Variants in FAT3 observed in about 807,000 individuals in gnomAD.
The protein encoded by FAT3 is protocadherin Fat 3.
FAT3 carries 95 observed loss-of-function variants against 310.2 expected under a neutral mutation model. The ratio of observed to expected loss-of-function variants is 0.31; its 90% CI spans 0.26 to 0.36. The LOEUF (loss-of-function observed/expected upper bound fraction) is 0.36, where lower values mean the gene tolerates loss of function less well. FAT3 is among the 10% of genes least tolerant of loss of function. FAT3 has a pLI of 1.00. For synonymous variants in FAT3, 2,314 were observed against 2,192.9 expected (o/e 1.06, Z -1.54); for missense variants, 5,408 against 5,715.6 (o/e 0.95, Z 1.74).
chr11:92,460,635 A>T (rs1052306314), intron 2 of FAT3, among the ~76,000 whole-genome samples: 1 of 152,222 alleles, frequency 6.6e-6, no homozygotes, highest in Non-Finnish European at 1.5e-5. Flanking sequence ...AGAGCTTGCT[A>T]CCAGCACAAA....
chr11:92,482,765 C>G (rs1019141272), intron 2 of FAT3, among the ~76,000 whole-genome samples: 4 of 152,128 alleles, frequency 2.6e-5, no homozygotes, highest in African/African-American at 9.7e-5. Context: ...GTGCCGACAC[C>G]CTTCCTCAAC....
At chr11:92,865,333 C>T (rs563022778) in intron 21 of FAT3, among the ~76,000 whole-genome samples, 1 of 152,348 alleles carries the variant, frequency 6.6e-6, no homozygotes, top group African/African-American at 2.4e-5. Context: ...AAACACGTTT[C>T]ACAAGGACTG....
chr11:92,415,705 G>T (rs952332499), intron 2 of FAT3, among the ~76,000 whole-genome samples: 5 of 152,088 alleles, frequency 3.3e-5, no homozygotes, highest in Non-Finnish European at 7.4e-5. Context: ...GACTAATTTT[G>T]CAGGGTTTCC....
intron 13 of FAT3, among the ~76,000 whole-genome samples, chr11:92,823,862 A>G (rs1219625197): frequency 6.6e-6 from 1 of 152,218 alleles, no homozygotes; most frequent in Non-Finnish European, 1.5e-5. Flanking sequence ...TTGCCAACTG[A>G]AAAAGTAATT....
chr11:92,447,408 C>T (rs529541706), intron 2 of FAT3, among the ~76,000 whole-genome samples: 6 of 151,866 alleles, frequency 4.0e-5, no homozygotes, highest in Non-Finnish European at 8.8e-5. Context: ...GTAATGCCTA[C>T]TTGGAGGTGG....
intron 2 of FAT3, among the ~76,000 whole-genome samples, chr11:92,451,989 T>C (rs375471168): frequency 1.7e-4 from 26 of 152,328 alleles, no homozygotes; most frequent in African/African-American, 5.3e-4. Flanking sequence ...TCTGATCCTT[T>C]ATGGCACTAT....
At chr11:92,873,322 A>G (rs1312781866) in intron 22 of FAT3, among the ~76,000 whole-genome samples, 1 of 152,154 alleles carries the variant, frequency 6.6e-6, no homozygotes, top group Non-Finnish European at 1.5e-5. Context: ...GAGCCATGTA[A>G]GTTCTTGGAG....
At chr11:92,436,364 GCTCTTGGA>G (rs1401822230) in intron 2 of FAT3, among the ~76,000 whole-genome samples, 4 of 151,964 alleles carry the variant, frequency 2.6e-5, no homozygotes, top group Non-Finnish European at 5.9e-5. Context: ...CTGGTCTCCA[GCTCTTGGA>G]CTCAAGCGAT....
Position 92,857,316 on chromosome 11 carries a change from A to G in FAT3, c.11468A>G (p.Gln3823Arg). Reference protein sequence around the residue: ...YEASRRPFLCQCPPGKLGECS... With the variant: ...YEASRRPFLCRCPPGKLGECS... ...GCCAGCAGGAGACCGTTCCTCTGCCAGTGTCCACCAGGGAAGCTCGGAGAG... is the reference window on the plus strand; with the variant it reads ...GCCAGCAGGAGACCGTTCCTCTGCCGGTGTCCACCAGGGAAGCTCGGAGAG... Residue 3823 changes from glutamine to arginine, a missense_variant, in exon 20 of 28, where the codon CAG (glutamine) becomes CGG (arginine). This residue lies in a region of FAT3 where 4,588 missense variants were observed against 4,809.8 expected (regional missense o/e 0.95). Transcript: ENST00000525166. The G allele has an allele frequency of 6.2e-7, 1 of 1,614,018 alleles. No homozygotes were observed. Among genetic ancestry groups the G allele is most frequent in the South Asian group, 1.1e-5 (1 of 91,086 alleles).
At chr11:92,666,223 G>C (rs1942944315) in intron 3 of FAT3, among the ~76,000 whole-genome samples, 1 of 152,172 alleles carries the variant, frequency 6.6e-6, no homozygotes, top group African/African-American at 2.4e-5. Context: ...AGCTTGAGAG[G>C]AGTCAAGATA....
intron 3 of FAT3, among the ~76,000 whole-genome samples, chr11:92,674,089 G>A (rs2135834383): frequency 6.6e-6 from 1 of 151,870 alleles, no homozygotes; most frequent in South Asian, 2.1e-4. Flanking sequence ...GCTGAGGCAG[G>A]AGAATTGCTT....
chr11:92,790,132 T>C lies in FAT3; in HGVS notation c.4525T>C (p.Phe1509Leu). 1 of 1,613,714 alleles carries C rather than the reference T, an allele frequency of 6.2e-7. No homozygotes were observed. Among genetic ancestry groups the C allele is most frequent in the Non-Finnish European group, 8.5e-7 (1 of 1,179,710 alleles). Residue 1509 changes from phenylalanine (F) to leucine (L), a missense_variant, in exon 8 of 28, where the codon TTC (phenylalanine) becomes CTC (leucine). Phe to Leu is a conservative substitution (Grantham distance 22). Transcript: ENST00000525166. ...SSIDSISMRKFRIDPSTGVLY... is the reference protein window; with the variant it reads ...SSIDSISMRKLRIDPSTGVLY... The stretch of plus-strand genomic sequence containing the variant: ...CATCGACTCCATCAGCATGAGAAAA[T>C]TCCGGATTGACCCTAGCACTGGCGT...
intron 2 of FAT3, among the ~76,000 whole-genome samples, chr11:92,508,504 C>G (rs1953188350): frequency 6.6e-6 from 1 of 152,082 alleles, no homozygotes. Flanking sequence ...AAAAAGTTAT[C>G]TGAAAAGGAA....
chr11:92,412,569 A>G (rs1950300122), intron 2 of FAT3, among the ~76,000 whole-genome samples: 2 of 148,172 alleles, frequency 1.3e-5, no homozygotes, highest in Non-Finnish European at 1.5e-5. Context: ...CTCCATAACT[A>G]TTATGATTCC....
In FAT3 at chr11:92,427,476, G is replaced by A. The variant is rs189287135; in HGVS notation, c.3292+72072G>A. On this transcript the variant is annotated intron_variant, in intron 2 of 27. Transcript: ENST00000525166. ...TTCAAAGGGAATGCTTCCAGCTTTCGCCCATTCAGTATGATATTGGCTGTG... is the reference window on the plus strand; with the variant it reads ...TTCAAAGGGAATGCTTCCAGCTTTCACCCATTCAGTATGATATTGGCTGTG... Among the ~76,000 whole-genome samples, 432 of 152,220 alleles carry A rather than the reference G, an allele frequency of 2.8e-3. 1 individual carries two copies. The highest frequency in any genetic ancestry group is 3.9e-3 in the Non-Finnish European group (266 of 68,006).
intron 13 of FAT3, among the ~76,000 whole-genome samples, chr11:92,812,283 A>T (rs987823539): frequency 4.6e-5 from 7 of 152,210 alleles, no homozygotes; most frequent in Non-Finnish European, 8.8e-5. Flanking sequence ...GAGTTTGCAC[A>T]TCAATAGCCA....
intron 18 of FAT3, among the ~76,000 whole-genome samples, chr11:92,842,075 C>T (rs11020078): frequency 0.051 from 7,796 of 152,210 alleles, 668 homozygotes; most frequent in African/African-American, 0.18. Flanking sequence ...AGGTATGCTC[C>T]GTGACTGCTT....
intron 1 of FAT3, among the ~76,000 whole-genome samples, chr11:92,317,570 TGG>T (rs1184921435): frequency 6.6e-6 from 1 of 152,244 alleles, no homozygotes; most frequent in Non-Finnish European, 1.5e-5. Flanking sequence ...TTTGCTGGGT[TGG>T]AGTGAAGTCT....
chr11:92,762,932 C>A (rs572110581), intron 5 of FAT3, among the ~76,000 whole-genome samples: 2 of 151,874 alleles, frequency 1.3e-5, no homozygotes, highest in East Asian at 3.9e-4. Context: ...CCGAGGCAGG[C>A]GGATCACTTG....
Sources: gnomAD v4.1 joint callset for allele counts (sites outside exome capture counted in the v4.1 genomes callset) on GRCh38, gnomAD v4.1.1 for gene constraint, gnomAD v4.1.1 regional missense constraint, MANE v1.5 for transcripts, NCBI Gene and HGNC (gene_info 2026-07-23, HGNC 2026-07-21) for gene names.